The following PAPPA2 variants were observed in gnomAD, a reference collection of about 807,000 sequenced individuals.
PAPPA2 encodes pappalysin-2.
In PAPPA2, 86 loss-of-function variants were observed where a neutral mutation model predicts 176.4. That is an observed-to-expected ratio of 0.49 (90% CI 0.41 to 0.58). PAPPA2 has a LOEUF of 0.58. PAPPA2 is among the 20% of genes least tolerant of loss of function. PAPPA2 has a pLI of 0.00. For missense variants in PAPPA2, 2,073 were observed against 2,256.9 expected (o/e 0.92, Z 1.65); for synonymous variants, 809 against 852.2 (o/e 0.95, Z 0.88).
chr1:176,640,208 A>G (rs962130036), intron 3 of PAPPA2, among the ~76,000 whole-genome samples: 7 of 150,404 alleles, frequency 4.7e-5, no homozygotes, highest in Non-Finnish European at 1.0e-4. Flanking sequence ...TATTATTATT[A>G]TACTTTAAGT....
intron 1 of PAPPA2, among the ~76,000 whole-genome samples, chr1:176,540,477 C>G (rs1012950463): frequency 2.6e-5 from 4 of 152,224 alleles, no homozygotes; most frequent in Non-Finnish European, 5.9e-5. Context: ...CAATGTCTTA[C>G]AATTTATACA....
intron 12 of PAPPA2, among the ~76,000 whole-genome samples, chr1:176,718,108 A>AT: frequency 6.6e-6 from 1 of 152,314 alleles, no homozygotes; most frequent in African/African-American, 2.4e-5. Flanking sequence ...ATGGATTAAA[A>AT]TTTTAAAACA....
chr1:176,506,221 G>C (rs1319454881), intron 1 of PAPPA2, among the ~76,000 whole-genome samples: 1 of 151,934 alleles, frequency 6.6e-6, no homozygotes, highest in Non-Finnish European at 1.5e-5. Flanking sequence ...GTCTGTTTTT[G>C]TACCAATACC....
chr1:176,578,691 G>A (rs240100), intron 2 of PAPPA2, among the ~76,000 whole-genome samples: 5,353 of 152,266 alleles, frequency 0.035, 151 homozygotes, highest in Non-Finnish European at 0.053. Context: ...CTTAAGGTAA[G>A]TTTTGAAGGG....
At chr1:176,644,957 A>C (rs960852278) in intron 3 of PAPPA2, among the ~76,000 whole-genome samples, 1 of 151,848 alleles carries the variant, frequency 6.6e-6, no homozygotes, top group Admixed American at 6.6e-5. Flanking sequence ...TAATTTCAAA[A>C]GTTTTACTTA....
chr1:176,773,785 A>G (rs61821279), intron 17 of PAPPA2, among the ~76,000 whole-genome samples: 9,277 of 152,268 alleles, frequency 0.061, 417 homozygotes, highest in Non-Finnish European at 0.095. Flanking sequence ...GGAAACAATT[A>G]CTAAAATATC....
At position 176,711,907 on chromosome 1, in the gene PAPPA2, G is replaced by A; in HGVS notation, c.3724G>A (p.Glu1242Lys). Residue 1242 changes from glutamate (E) to lysine (K), a missense_variant, in exon 12 of 23, where the codon GAA becomes AAA. Around this residue, in one of 4 missense-constraint regions of PAPPA2, gnomAD observed 846 missense variants for 857.9 expected, o/e 0.99. Coordinates refer to ENST00000367662, the MANE Select transcript of PAPPA2 (RefSeq NM_020318.3). ...LTGWFPCVAS[E>K]NETQDDRSEQ... is the part of the protein sequence containing the mutation. Reference sequence around the variant, plus strand: ...TGGCTGGTTTCCCTGTGTTGCCAGTGAAAATGAAACTCAGGATGACAGGAG... The same window carrying A: ...TGGCTGGTTTCCCTGTGTTGCCAGTAAAAATGAAACTCAGGATGACAGGAG... 1.2e-6 allele frequency: 2 copies of A among 1,613,722 alleles called. No individual in the cohort carries two copies. The highest frequency in any genetic ancestry group is 1.7e-6 in the Non-Finnish European group (2 of 1,179,662).
At chr1:176,663,136 G>A (rs545979413) in intron 3 of PAPPA2, among the ~76,000 whole-genome samples, 1 of 152,214 alleles carries the variant, frequency 6.6e-6, no homozygotes, top group South Asian at 2.1e-4. Flanking sequence ...CCTTTGGGAG[G>A]TTCCAAAAGC....
chr1:176,550,580 C>A (rs1002242462), intron 1 of PAPPA2, among the ~76,000 whole-genome samples: 2 of 152,178 alleles, frequency 1.3e-5, no homozygotes, highest in African/African-American at 4.8e-5. Context: ...ATATTGCTTT[C>A]ACCATACTGC....
chr1:176,727,042 G>A (rs144276528), intron 12 of PAPPA2, among the ~76,000 whole-genome samples: 74 of 152,202 alleles, frequency 4.9e-4, no homozygotes, highest in African/African-American at 1.7e-3. Flanking sequence ...GATGCATATT[G>A]TAATCTCTAG....
intron 4 of PAPPA2, among the ~76,000 whole-genome samples, chr1:176,686,168 C>T (rs562751453): frequency 2.0e-5 from 3 of 152,114 alleles, no homozygotes; most frequent in Non-Finnish European, 1.5e-5. Flanking sequence ...TTAGTCCGTT[C>T]TCACGCTGCT....
chr1:176,769,739 C>G lies in PAPPA2; in HGVS notation c.4456C>G (p.Leu1486Val), dbSNP rs529392985. 2.9e-4 allele frequency: 469 copies of G among 1,612,926 alleles called. 2 individuals carry two copies. In the South Asian group the frequency reaches 4.9e-3, roughly 17 times the overall value. ...NFSCSEGTKF[L>V]KRCSISCVPP... ...CTCCTGCTCAGAGGGAACCAAATTT[C>G]TGAAACGCTGCTCAATCTCTTGTGT... The change falls in exon 16 of 23, where the codon CTG (leucine) becomes GTG (valine). Residue 1486 changes from leucine to valine, a missense_variant. This residue lies in a region of PAPPA2 where 846 missense variants were observed against 857.9 expected (regional missense o/e 0.99). Coordinates refer to ENST00000367662, the MANE Select transcript of PAPPA2 (RefSeq NM_020318.3).
At chr1:176,587,413 A>G (rs1242341501) in intron 2 of PAPPA2, among the ~76,000 whole-genome samples, 4 of 152,030 alleles carry the variant, frequency 2.6e-5, no homozygotes, top group Non-Finnish European at 5.9e-5. Context: ...TAGAGTTTTT[A>G]TGGTTTGGGG....
At chr1:176,683,112 T>C (rs1459649536) in intron 4 of PAPPA2, among the ~76,000 whole-genome samples, 1 of 152,020 alleles carries the variant, frequency 6.6e-6, no homozygotes, top group African/African-American at 2.4e-5. Context: ...TGGGCATTCA[T>C]GTGTTAAAGC....
intron 3 of PAPPA2, among the ~76,000 whole-genome samples, chr1:176,633,601 G>A (rs1443354038): frequency 4.6e-5 from 7 of 152,088 alleles, no homozygotes; most frequent in Non-Finnish European, 7.4e-5. Flanking sequence ...AAGAAACTAA[G>A]GCTTTCAAAG....
chr1:176,602,631 A>G (rs1025656811), intron 3 of PAPPA2, among the ~76,000 whole-genome samples: 2 of 152,182 alleles, frequency 1.3e-5, no homozygotes, highest in African/African-American at 4.8e-5. Flanking sequence ...AGCCAAAAAA[A>G]ACACACGCAG....
At chr1:176,478,596 A>G (rs1183255722) in intron 1 of PAPPA2, among the ~76,000 whole-genome samples, 2 of 152,260 alleles carry the variant, frequency 1.3e-5, no homozygotes, top group East Asian at 1.9e-4. Flanking sequence ...ATGTTCAAAC[A>G]GTGGACTCAT....
intron 3 of PAPPA2, among the ~76,000 whole-genome samples, chr1:176,599,043 A>G (rs1654141556): frequency 6.6e-6 from 1 of 152,184 alleles, no homozygotes; most frequent in South Asian, 2.1e-4. Flanking sequence ...GACTTGGTAT[A>G]AAATTTTGGA....
chr1:176,470,842 CTGGGGACCACTGCTT>C (rs1180706928), intron 1 of PAPPA2, among the ~76,000 whole-genome samples: 1 of 151,052 alleles, frequency 6.6e-6, no homozygotes, highest in African/African-American at 2.4e-5. Flanking sequence ...GATTTCTAAT[CTGGGGACCACTGCTT>C]TGGGTCAGTG....
Sources: allele counts gnomAD v4.1 joint callset (sites outside exome capture counted in the v4.1 genomes callset), GRCh38; gene constraint gnomAD v4.1.1; regional missense constraint gnomAD v4.1.1; transcripts MANE v1.5; gene names NCBI Gene and HGNC (gene_info 2026-07-23, HGNC 2026-07-21).